The following ANO2 variants were observed in gnomAD, a reference collection of about 807,000 sequenced individuals.
ANO2 encodes anoctamin-2.
Under a neutral mutation model 124.2 loss-of-function variants are expected in ANO2, and 101 were observed. That is an observed-to-expected ratio of 0.81 (90% CI 0.69 to 0.96). The LOEUF (loss-of-function observed/expected upper bound fraction) is 0.96. Ranked by LOEUF, ANO2 falls within the 40% of genes least tolerant of loss-of-function variation. The pLI is 0.00. For synonymous variants in ANO2, 486 were observed against 482.5 expected (o/e 1.01, Z -0.09); for missense variants, 1,293 against 1,274.5 (o/e 1.01, Z -0.22).
At chr12:5,571,441 ACCTCTATC>A (rs566741167) in intron 23 of ANO2, among the ~76,000 whole-genome samples, 1 of 152,142 alleles carries the variant, frequency 6.6e-6, no homozygotes, top group Non-Finnish European at 1.5e-5. Flanking sequence ...TTTTTAAGAT[ACCTCTATC>A]CCTGGCGAGG....
intron 14 of ANO2, among the ~76,000 whole-genome samples, chr12:5,705,749 G>A (rs958077358): frequency 6.6e-6 from 1 of 152,150 alleles, no homozygotes; most frequent in Non-Finnish European, 1.5e-5. Flanking sequence ...CTTAAATCCT[G>A]ATGTTTTTGC....
intron 14 of ANO2, among the ~76,000 whole-genome samples, chr12:5,697,974 G>T (rs944660808): frequency 1.3e-5 from 2 of 152,244 alleles, no homozygotes; most frequent in Non-Finnish European, 2.9e-5. Context: ...AAACTGGGTG[G>T]AGCTCACCAC....
At chr12:5,847,375 A>T (rs1406774099) in intron 4 of ANO2, among the ~76,000 whole-genome samples, 2 of 152,042 alleles carry the variant, frequency 1.3e-5, no homozygotes, top group African/African-American at 4.8e-5. Context: ...CTGGGTCTCC[A>T]TCGCATGAAC....
chr12:5,635,597 T>C lies in ANO2; in HGVS notation c.1621-250A>G, dbSNP rs994118858. Among the ~76,000 whole-genome samples, 8 of 79,072 alleles carry C rather than the reference T, an allele frequency of 1.0e-4. No homozygotes were observed. The highest frequency in any genetic ancestry group is 3.9e-4 in the African/African-American group (8 of 20,490). The allele number at this position is 79,072 out of a possible 152,430, so 51.9% of individuals were successfully genotyped here. ...AATTTTTGTCAGATTCCAAATGATTTATCACACACACACACACACACACAC... is the reference window on the plus strand; with the variant it reads ...AATTTTTGTCAGATTCCAAATGATTCATCACACACACACACACACACACAC... On this transcript the variant is annotated intron_variant, in intron 15 of 24. Transcript: ENST00000682330. This position sits in a 1 kb window ranked among gnomAD's most constrained non-coding sequence, Gnocchi z 5.2.
At chr12:5,597,088 T>G (rs1428068004) in intron 20 of ANO2, among the ~76,000 whole-genome samples, 2 of 152,126 alleles carry the variant, frequency 1.3e-5, no homozygotes, top group African/African-American at 4.8e-5. Flanking sequence ...TGTATTTTAA[T>G]GTTTTATTTC....
chr12:5,612,192 A>G (rs1307391368), intron 19 of ANO2, among the ~76,000 whole-genome samples: 1 of 152,194 alleles, frequency 6.6e-6, no homozygotes, highest in South Asian at 2.1e-4. Flanking sequence ...ATAGGGGGGA[A>G]TCCACATGAT....
intron 10 of ANO2, among the ~76,000 whole-genome samples, chr12:5,783,994 T>C (rs1171995114): frequency 6.6e-6 from 1 of 152,232 alleles, no homozygotes; most frequent in South Asian, 2.1e-4. Flanking sequence ...TACATCACTT[T>C]AGCTGAGTAG....
intron 10 of ANO2, among the ~76,000 whole-genome samples, chr12:5,789,903 T>C (rs1324619404): frequency 6.6e-6 from 1 of 152,226 alleles, no homozygotes; most frequent in Non-Finnish European, 1.5e-5. Context: ...TACATAGCCA[T>C]GTGGTGTGGG....
intron 24 of ANO2, 39 bp from the exon 25 acceptor site, chr12:5,563,607 G>A (rs1471325220): frequency 3.1e-6 from 5 of 1,607,558 alleles, no homozygotes; most frequent in Non-Finnish European, 4.3e-6. Context: ...AGTTGGAGAG[G>A]CCCGGCCTGG....
chr12:5,921,237 G>T lies in ANO2; in HGVS notation c.337C>A (p.His113Asn), dbSNP rs370121016. ...TGGCCAGGGAAGCCTTGGGCCAGGT[G>T]CACCCCGCGTTTCCGGTAGTGGTAG... ...LAYHYRKRGV[H>N]LAQGFPGHSL... The change falls in exon 3 of 25, where the codon CAC (histidine) becomes AAC (asparagine). Residue 113 changes from histidine to asparagine, a missense_variant. Physicochemically the swap from His to Asn is moderately conservative, Grantham distance 68. Coordinates refer to ENST00000682330, the MANE Select transcript of ANO2 (RefSeq NM_001364791.2). 22 of 1,613,880 alleles carry T rather than the reference G, an allele frequency of 1.4e-5. No individual in the cohort carries two copies. The African/African-American group carries it at 2.5e-4, about 19-fold the overall frequency.
chr12:5,602,634 C>T (rs1191339522), intron 19 of ANO2, among the ~76,000 whole-genome samples: 5 of 152,042 alleles, frequency 3.3e-5, no homozygotes, highest in Non-Finnish European at 7.4e-5. Flanking sequence ...AAGAAAATGT[C>T]CCAGAGGTGA....
chr12:5,603,960 A>AAAG (rs1555097170), intron 19 of ANO2, among the ~76,000 whole-genome samples: 12 of 151,318 alleles, frequency 7.9e-5, no homozygotes, highest in Admixed American at 3.3e-4. Flanking sequence ...AAAAAAAAAA[A>AAAG]AAAAAGAAAA....
chr12:5,657,346 G>A (rs11063799), intron 14 of ANO2, among the ~76,000 whole-genome samples: 89,978 of 151,924 alleles, frequency 0.59, 28,107 homozygotes, highest in East Asian at 0.96. Context: ...AGATTCCCGT[G>A]CTGGGTGCCT....
rs951406841 is a variant in ANO2 at position 5,807,456 on chromosome 12, T to C, written c.893-88A>G. 5 of 1,157,398 alleles carry C rather than the reference T, an allele frequency of 4.3e-6. No individual in the cohort carries two copies. The African/African-American group carries it at 7.7e-5, about 18-fold the overall frequency. 71.7% of individuals were successfully genotyped at this position (1,157,398 alleles called of 1,614,324 possible). The stretch of plus-strand genomic sequence containing the variant: ...GTTTTTTGATAAATAAGCTTTCACA[T>C]GCCCCCCCAGTTGAGAATCACTGCA... On this transcript the variant is annotated intron_variant, in intron 7 of 24. Coordinates refer to ENST00000682330, the MANE Select transcript of ANO2 (RefSeq NM_001364791.2).
At chr12:5,848,369 C>T (rs1296217126) in intron 4 of ANO2, among the ~76,000 whole-genome samples, 1 of 151,576 alleles carries the variant, frequency 6.6e-6, no homozygotes, top group Non-Finnish European at 1.5e-5. Flanking sequence ...CCCCCCCTCC[C>T]CAGTTACATG....
chr12:5,815,731 CTATTT>C (rs796787719), intron 7 of ANO2, among the ~76,000 whole-genome samples: 17 of 152,152 alleles, frequency 1.1e-4, no homozygotes, highest in African/African-American at 4.1e-4. Flanking sequence ...TTTTGACATT[CTATTT>C]TAATTTATTT....
intron 10 of ANO2, among the ~76,000 whole-genome samples, chr12:5,760,910 T>C (rs761051046): frequency 6.6e-6 from 1 of 152,172 alleles, no homozygotes; most frequent in African/African-American, 2.4e-5. Flanking sequence ...TGTGTAAAAG[T>C]TGACAGCCAG....
At chr12:5,655,682 G>A (rs937170927) in intron 14 of ANO2, among the ~76,000 whole-genome samples, 4 of 152,136 alleles carry the variant, frequency 2.6e-5, no homozygotes, top group African/African-American at 9.7e-5. Context: ...GCAATAACTC[G>A]TGAGGTGTGA....
intron 14 of ANO2, among the ~76,000 whole-genome samples, chr12:5,701,884 C>A (rs147466496): frequency 4.9e-4 from 75 of 152,302 alleles, no homozygotes; most frequent in African/African-American, 1.8e-3. Flanking sequence ...CATCTCAAGT[C>A]TCTGTTCAAC....
Sources: gnomAD v4.1 joint callset for allele counts (sites outside exome capture counted in the v4.1 genomes callset) on GRCh38, gnomAD v4.1.1 for gene constraint, Gnocchi (gnomAD v3.1) non-coding constraint, MANE v1.5 for transcripts, NCBI Gene and HGNC (gene_info 2026-07-23, HGNC 2026-07-21) for gene names.